Variants in PALD1 observed in about 807,000 individuals in gnomAD.
PALD1 encodes phosphatase domain containing paladin 1, also known as paladin.
PALD1 carries 57 observed loss-of-function variants against 96.0 expected under a neutral mutation model. The ratio of observed to expected loss-of-function variants is 0.59; its 90% confidence interval spans 0.48 to 0.74. The LOEUF (loss-of-function observed/expected upper bound fraction) is 0.74, where lower values mean the gene tolerates loss of function less well. Ranked by LOEUF, PALD1 falls within the 30% of genes least tolerant of loss-of-function variation. The pLI, the probability that PALD1 is intolerant of heterozygous loss-of-function variation, is 0.00. For missense variants in PALD1, 1,063 were observed against 1,143.7 expected, an observed-to-expected ratio of 0.93 and a Z score of 1.02; for synonymous variants, 464 against 473.6, an observed-to-expected ratio of 0.98 and a Z score of 0.26.
At chr10:70,563,453 G>C (rs995856617) in intron 18 of PALD1, among the ~76,000 whole-genome samples, 11 of 152,190 alleles carry the variant, frequency 7.2e-5, no homozygotes, top group African/African-American at 2.7e-4. Context: ...GCCCCAGCAC[G>C]TGGCCTGGTG....
intron 18 of PALD1, among the ~76,000 whole-genome samples, chr10:70,551,177 G>A (rs370939328): frequency 2.6e-5 from 4 of 152,178 alleles, no homozygotes; most frequent in East Asian, 1.9e-4. Flanking sequence ...GGAGATGTGC[G>A]GAGTCTCTAG....
intron 17 of PALD1, among the ~76,000 whole-genome samples, chr10:70,546,512 C>T (rs10823561): frequency 0.13 from 20,043 of 152,138 alleles, 1,851 homozygotes; most frequent in East Asian, 0.48. Context: ...GTGGCAGTCC[C>T]GTTTTCCTAG....
intron 1 of PALD1, among the ~76,000 whole-genome samples, chr10:70,505,834 A>C (rs978239673): frequency 4.0e-5 from 6 of 151,702 alleles, no homozygotes; most frequent in Non-Finnish European, 7.4e-5. Context: ...CATCCTGGAC[A>C]ACATGGCCAA....
chr10:70,535,997 C>T (rs981319921), intron 10 of PALD1, among the ~76,000 whole-genome samples: 4 of 152,162 alleles, frequency 2.6e-5, no homozygotes, highest in African/African-American at 9.7e-5. Context: ...AGGCTGGGCA[C>T]GGTGGCTCAC....
At chr10:70,487,021 C>A (rs540147800) in intron 1 of PALD1, among the ~76,000 whole-genome samples, 22 of 152,200 alleles carry the variant, frequency 1.4e-4, no homozygotes, top group Non-Finnish European at 3.1e-4. Context: ...CTTTGGGGAG[C>A]CCTCTGGGGA....
chr10:70,551,970 C>T (rs914238259), intron 18 of PALD1, among the ~76,000 whole-genome samples: 3 of 152,228 alleles, frequency 2.0e-5, no homozygotes, highest in African/African-American at 4.8e-5. Context: ...TTCTGGGCTT[C>T]GTGCACTTGC....
intron 1 of PALD1, among the ~76,000 whole-genome samples, chr10:70,488,201 A>T (rs2132265682): frequency 6.6e-6 from 1 of 151,554 alleles, no homozygotes; most frequent in South Asian, 2.1e-4. Context: ...GACTCACTGC[A>T]GCCTTAACTT....
At chr10:70,523,700 G>A (rs182777408) in intron 1 of PALD1, among the ~76,000 whole-genome samples, 99 of 152,330 alleles carry the variant, frequency 6.5e-4, no homozygotes, top group African/African-American at 2.2e-3. Context: ...CACAAGGTGT[G>A]TGTGTTAACG....
intron 18 of PALD1, among the ~76,000 whole-genome samples, chr10:70,560,939 TGG>T (rs59752985): frequency 0.68 from 103,215 of 151,762 alleles, 35,523 homozygotes; most frequent in Admixed American, 0.74. Context: ...TGTGCTAACA[TGG>T]GGGACGGTGT....
chr10:70,494,580 G>A (rs917789499), intron 1 of PALD1, among the ~76,000 whole-genome samples: 18 of 152,328 alleles, frequency 1.2e-4, no homozygotes, highest in African/African-American at 4.3e-4. Context: ...GGGTTTGAGC[G>A]TTCAGAACTC....
At position 70,521,305 on chromosome 10, in the gene PALD1, G is replaced by A. The variant is rs143251260; in HGVS notation, c.-29-4618G>A. Among the ~76,000 whole-genome samples, 373 of 152,222 alleles carry A rather than the reference G, an allele frequency of 2.5e-3. 3 individuals are homozygous for A. Among genetic ancestry groups the A allele is most frequent in the Admixed American group, 3.3e-3 (51 of 15,290 alleles). Reference sequence around the variant, plus strand: ...AAAGAGGCAGGGAGGAAGCTGAGGGGCAGTTGTCAACTGCTGCCCCTTCCC... The same window carrying A: ...AAAGAGGCAGGGAGGAAGCTGAGGGACAGTTGTCAACTGCTGCCCCTTCCC... On this transcript the variant is annotated intron_variant, in intron 1 of 19. Transcript: ENST00000263563.
chr10:70,539,292 G>A lies in PALD1; in HGVS notation c.1725+45G>A. 6.4e-7 allele frequency: 1 copy of A among 1,559,278 alleles called. No individual in the cohort carries two copies. Among genetic ancestry groups the A allele is most frequent in the Non-Finnish European group, 8.7e-7 (1 of 1,153,458 alleles). ...AGGCACCCCTGCCTCCGAGGCTTCT[G>A]GGGAGTGGCCTGGGAGGGTCTTCAG... On this transcript the variant is annotated intron_variant, in intron 14 of 19. Coordinates refer to ENST00000263563, the MANE Select transcript of PALD1 (RefSeq NM_014431.3). The surrounding 1 kb of genome is among the most constrained non-coding windows in gnomAD (Gnocchi z 4.5).
chr10:70,516,705 C>T (rs1846626335), intron 1 of PALD1, among the ~76,000 whole-genome samples: 1 of 151,744 alleles, frequency 6.6e-6, no homozygotes. Flanking sequence ...AGGCATGCAC[C>T]ACCACACCTG....
At chr10:70,513,274 C>T (rs1169328011) in intron 1 of PALD1, among the ~76,000 whole-genome samples, 2 of 152,104 alleles carry the variant, frequency 1.3e-5, no homozygotes, top group Non-Finnish European at 2.9e-5. Flanking sequence ...GTGGGTGCAT[C>T]ATTTGAGGTT....
intron 7 of PALD1, 147 bp from the exon 8 acceptor site, chr10:70,533,775 G>T: frequency 1.5e-6 from 1 of 654,970 alleles, no homozygotes; most frequent in Non-Finnish European, 2.5e-6. Context: ...CTGTGGCTTT[G>T]GCAGAAGAGG....
chr10:70,519,867 GCCC>G (rs1846694633), intron 1 of PALD1, among the ~76,000 whole-genome samples: 1 of 151,890 alleles, frequency 6.6e-6, no homozygotes, highest in Non-Finnish European at 1.5e-5. Flanking sequence ...GAGCCACTGT[GCCC>G]AGCCTGGGAT....
At chr10:70,463,906 C>A in the PALD1 span, among the ~76,000 whole-genome samples, 1 of 152,094 alleles carries the variant, frequency 6.6e-6, no homozygotes, top group Non-Finnish European at 1.5e-5. Flanking sequence ...GCACACTTGA[C>A]CAGTGTGGAA....
At position 70,504,268 on chromosome 10, in the gene PALD1, C is replaced by T. The variant is rs528088091; in HGVS notation, c.-29-21655C>T. Among the ~76,000 whole-genome samples the T allele has an allele frequency of 3.3e-5, 5 of 152,268 alleles. No homozygotes were observed. The South Asian group carries it at 6.2e-4, about 19-fold the overall frequency. On this transcript the variant is annotated intron_variant, in intron 1 of 19. Transcript: ENST00000263563. The stretch of plus-strand genomic sequence containing the variant: ...TCGGCTGGGCATGGTGGCTCACGCC[C>T]GTAATCCCAGCACTTTGGGAGGCTG...
intron 18 of PALD1, among the ~76,000 whole-genome samples, chr10:70,559,051 C>T (rs1847676845): frequency 6.6e-6 from 1 of 152,164 alleles, no homozygotes; most frequent in South Asian, 2.1e-4. Context: ...TGAAGAAAGG[C>T]AGACTTGGAG....
Sources: gnomAD v4.1 joint callset for allele counts (sites outside exome capture counted in the v4.1 genomes callset) on GRCh38, gnomAD v4.1.1 for gene constraint, Gnocchi (gnomAD v3.1) non-coding constraint, MANE v1.5 for transcripts, NCBI Gene and HGNC (gene_info 2026-07-23, HGNC 2026-07-21) for gene names.